IMMP2L: variants seen among roughly 807,000 people sequenced by gnomAD.
The protein encoded by IMMP2L is mitochondrial inner membrane protease subunit 2.
In IMMP2L, 18 loss-of-function variants were observed where a neutral mutation model predicts 19.3. The observed-to-expected ratio is 0.93, with a 90% CI of 0.64 to 1.38. The LOEUF is 1.38. Among genes scored for constraint, IMMP2L ranks in the 40% most tolerant of loss-of-function variants. IMMP2L has a pLI of 0.00. For missense variants in IMMP2L, 233 were observed against 218.2 expected, an observed-to-expected ratio of 1.07 and a Z score of -0.43; for synonymous variants, 76 against 73.0, an observed-to-expected ratio of 1.04 and a Z score of -0.21.
At chr7:110,778,996 A>G (rs888444637) in intron 5 of IMMP2L, among the ~76,000 whole-genome samples, 1 of 151,974 alleles carries the variant, frequency 6.6e-6, no homozygotes, top group Non-Finnish European at 1.5e-5. Context: ...GAGTAGTAAA[A>G]TGCAGTAACA....
intron 5 of IMMP2L, among the ~76,000 whole-genome samples, chr7:110,703,661 T>C (rs568816780): frequency 6.6e-6 from 1 of 152,250 alleles, no homozygotes; most frequent in East Asian, 1.9e-4. Context: ...AAATTCACAG[T>C]ATCATTGGAA....
At chr7:110,697,519 C>T (rs539886747) in intron 5 of IMMP2L, among the ~76,000 whole-genome samples, 2 of 152,248 alleles carry the variant, frequency 1.3e-5, no homozygotes, top group South Asian at 4.2e-4. Context: ...AGAAAGAATT[C>T]TTGGCTTGTC....
At chr7:111,506,603 G>T (rs1430441860) in intron 2 of IMMP2L, among the ~76,000 whole-genome samples, 1 of 151,920 alleles carries the variant, frequency 6.6e-6, no homozygotes, top group East Asian at 1.9e-4. Flanking sequence ...TACCATGTTG[G>T]CCAGGATGGT....
chr7:111,054,269 A>G (rs1201579287), intron 3 of IMMP2L, among the ~76,000 whole-genome samples: 1 of 152,158 alleles, frequency 6.6e-6, no homozygotes, highest in Non-Finnish European at 1.5e-5. Context: ...TGTTGTTTTG[A>G]CTTTTTAAAT....
At chr7:111,171,038 T>C (rs1000424862) in intron 3 of IMMP2L, among the ~76,000 whole-genome samples, 18 of 151,812 alleles carry the variant, frequency 1.2e-4, no homozygotes, top group African/African-American at 4.1e-4. Flanking sequence ...AAAACTCTGA[T>C]TGTGTGTTTG....
chr7:110,893,064 A>T (rs1478998962), intron 4 of IMMP2L, among the ~76,000 whole-genome samples: 1 of 152,198 alleles, frequency 6.6e-6, no homozygotes, highest in East Asian at 1.9e-4. Context: ...CAATAAATAA[A>T]GCAATATTGC....
chr7:111,468,586 A>C (rs1036575440), intron 3 of IMMP2L, among the ~76,000 whole-genome samples: 3 of 152,098 alleles, frequency 2.0e-5, no homozygotes, highest in South Asian at 2.1e-4. Flanking sequence ...ACTCATATGC[A>C]ATATAAGAAG....
At chr7:110,976,747 T>C (rs573568986) in intron 3 of IMMP2L, among the ~76,000 whole-genome samples, 5 of 151,978 alleles carry the variant, frequency 3.3e-5, no homozygotes, top group Admixed American at 6.6e-5. Flanking sequence ...CCACCTTTGA[T>C]AGGCACAGTT....
chr7:111,368,492 C>T (rs1308959643), intron 3 of IMMP2L, among the ~76,000 whole-genome samples: 2 of 151,862 alleles, frequency 1.3e-5, no homozygotes, highest in Non-Finnish European at 1.5e-5. Flanking sequence ...AGTTTATTTA[C>T]GCCAGCAACA....
chr7:111,213,132 C>A lies in IMMP2L; in HGVS notation c.240-249567G>T, dbSNP rs1811513066. On this transcript the variant is annotated intron_variant, in intron 3 of 5. Transcript: ENST00000405709. This position sits in a 1 kb window ranked among gnomAD's most constrained non-coding sequence, Gnocchi z 4.8. ...GGAGGCCAGGAAAGGCCCCCTGTCTCTGCAGGCTCAGAGGTGCCTGCTGTC... is the reference window on the plus strand; with the variant it reads ...GGAGGCCAGGAAAGGCCCCCTGTCTATGCAGGCTCAGAGGTGCCTGCTGTC... Among the ~76,000 whole-genome samples the A allele has an allele frequency of 6.6e-6, 1 of 152,252 alleles. No homozygotes were observed. Among genetic ancestry groups the A allele is most frequent in the Admixed American group, 6.5e-5 (1 of 15,290 alleles).
At chr7:110,874,688 A>T (rs544201457) in intron 5 of IMMP2L, among the ~76,000 whole-genome samples, 1 of 152,116 alleles carries the variant, frequency 6.6e-6, no homozygotes, top group Non-Finnish European at 1.5e-5. Context: ...TTTAAAATGT[A>T]CCTAAAGTTC....
chr7:110,902,648 G>C lies in IMMP2L; in HGVS notation c.306-15953C>G, dbSNP rs1285284117. 5.2e-5 allele frequency among the ~76,000 whole-genome samples: 2 copies of C among 38,360 alleles called. 1 individual carries two copies. The highest frequency in any genetic ancestry group is 8.8e-5 in the Non-Finnish European group (2 of 22,728). 25.2% of individuals were successfully genotyped at this position (38,360 alleles called of 152,430 possible). ...AATCTAAAGAGTACAGACTCGGCCG[G>C]GCGCGGTGGCTCACGCCTGTAATCC... On this transcript the variant is annotated intron_variant, in intron 4 of 5. Coordinates refer to ENST00000405709, the MANE Select transcript of IMMP2L (RefSeq NM_032549.4).
At chr7:111,281,148 CAGA>C (rs1819695569) in intron 3 of IMMP2L, among the ~76,000 whole-genome samples, 1 of 55,320 alleles carries the variant, frequency 1.8e-5, no homozygotes, top group Middle Eastern at 7.8e-3. Flanking sequence ...GACAGAAAGA[CAGA>C]AAGACAGAAA....
At chr7:110,907,163 C>T (rs1414443031) in intron 4 of IMMP2L, among the ~76,000 whole-genome samples, 2 of 152,150 alleles carry the variant, frequency 1.3e-5, no homozygotes, top group South Asian at 2.1e-4. Flanking sequence ...GTGTTAACAG[C>T]TCAGTGGAGG....
intron 5 of IMMP2L, among the ~76,000 whole-genome samples, chr7:110,772,751 A>C (rs1584781243): frequency 6.6e-6 from 1 of 152,100 alleles, no homozygotes; most frequent in East Asian, 1.9e-4. Context: ...TCCCCCACTC[A>C]AGTCATTTGT....
chr7:110,845,044 T>G (rs1171831594), intron 5 of IMMP2L, among the ~76,000 whole-genome samples: 1 of 152,126 alleles, frequency 6.6e-6, no homozygotes, highest in African/African-American at 2.4e-5. Flanking sequence ...AAAAGTAGCA[T>G]GTGTCATAAC....
At chr7:111,134,992 A>G (rs528871296) in intron 3 of IMMP2L, among the ~76,000 whole-genome samples, 36 of 152,190 alleles carry the variant, frequency 2.4e-4, no homozygotes, top group African/African-American at 7.9e-4. Context: ...TAACAGAGTA[A>G]TTTTCATTTT....
intron 3 of IMMP2L, among the ~76,000 whole-genome samples, chr7:111,410,804 T>C (rs1330025862): frequency 6.0e-5 from 9 of 151,224 alleles, no homozygotes; most frequent in African/African-American, 9.8e-5. Flanking sequence ...CTACAGAAAA[T>C]ATCAGTGAAG....
chr7:111,242,003 T>C lies in IMMP2L; in HGVS notation c.239+245235A>G, dbSNP rs549772527. The stretch of plus-strand genomic sequence containing the variant: ...CCTGACCCAACCATGGAAAATGCCT[T>C]TAACCAATATGTGAAATAGGTTTTC... On this transcript the variant is annotated intron_variant, in intron 3 of 5. Transcript: ENST00000405709. 5.3e-5 allele frequency among the ~76,000 whole-genome samples: 8 copies of C among 152,206 alleles called. No homozygotes were observed. The East Asian group carries it at 1.5e-3, about 29-fold the overall frequency.
Sources: allele counts gnomAD v4.1 joint callset (sites outside exome capture counted in the v4.1 genomes callset), GRCh38; gene constraint gnomAD v4.1.1; non-coding constraint Gnocchi (gnomAD v3.1); transcripts MANE v1.5; gene names NCBI Gene and HGNC (gene_info 2026-07-23, HGNC 2026-07-21).